The following ORC5 variants were observed in gnomAD, a reference collection of about 807,000 sequenced individuals.
The protein encoded by ORC5 is origin recognition complex subunit 5.
Under a neutral mutation model 58.8 loss-of-function variants are expected in ORC5, and 39 were observed. The observed-to-expected ratio is 0.66, with a 90% CI of 0.51 to 0.87. ORC5 has a LOEUF of 0.87. Ranked by LOEUF, ORC5 falls within the 40% of genes least tolerant of loss-of-function variation. ORC5 has a pLI of 0.00. For missense variants in ORC5, 493 were observed against 506.3 expected (o/e 0.97, Z 0.25); for synonymous variants, 218 against 177.6 (o/e 1.23, Z -1.81).
chr7:104,158,307 C>T (rs1798962243), intron 12 of ORC5, among the ~76,000 whole-genome samples: 1 of 152,098 alleles, frequency 6.6e-6, no homozygotes, highest in African/African-American at 2.4e-5. Flanking sequence ...CTTCCTTACA[C>T]CTTATACAAA....
At chr7:104,180,607 T>G (rs1799413482) in intron 8 of ORC5, among the ~76,000 whole-genome samples, 1 of 150,636 alleles carries the variant, frequency 6.6e-6, no homozygotes, top group African/African-American at 2.4e-5. Flanking sequence ...CTAACTTGGA[T>G]TTTCTAGCTA....
intron 5 of ORC5, among the ~76,000 whole-genome samples, chr7:104,192,864 T>A (rs1168527426): frequency 2.7e-5 from 4 of 149,550 alleles, no homozygotes; most frequent in Non-Finnish European, 5.9e-5. Flanking sequence ...TAGACACTTG[T>A]TAAAAAAAAA....
At chr7:104,153,419 C>A (rs567494588) in intron 12 of ORC5, among the ~76,000 whole-genome samples, 1 of 152,250 alleles carries the variant, frequency 6.6e-6, no homozygotes, top group East Asian at 1.9e-4. Context: ...TCCCTGCTGA[C>A]CTCTTCATCA....
At chr7:104,207,799 C>T in intron 1 of ORC5, 34 bp downstream of exon 1, 1 of 1,583,710 alleles carries the variant, frequency 6.3e-7, no homozygotes. Context: ...AAACGTCTGC[C>T]TCCAGGATCT....
intron 5 of ORC5, among the ~76,000 whole-genome samples, chr7:104,189,273 G>A (rs1490276744): frequency 1.3e-5 from 2 of 150,802 alleles, no homozygotes; most frequent in African/African-American, 5.0e-5. Flanking sequence ...TACAATCATG[G>A]TGGAAAGCAC....
At chr7:104,171,609 G>C (rs1160223935) in intron 8 of ORC5, among the ~76,000 whole-genome samples, 1 of 151,302 alleles carries the variant, frequency 6.6e-6, no homozygotes, top group Non-Finnish European at 1.5e-5. Context: ...ACACCCTTCT[G>C]AATCAACTAC....
intron 11 of ORC5, 140 bp from the exon 12 acceptor site, chr7:104,161,322 C>T: frequency 1.8e-6 from 1 of 558,522 alleles, no homozygotes; most frequent in South Asian, 2.2e-5. Context: ...CCTGCAAACT[C>T]TAAGTTAAAA....
chr7:104,172,344 A>G (rs780352174), intron 8 of ORC5, among the ~76,000 whole-genome samples: 58 of 152,234 alleles, frequency 3.8e-4, no homozygotes, highest in Admixed American at 2.0e-4. Flanking sequence ...AAGCTTTTCC[A>G]TTCTATGATT....
intron 12 of ORC5, among the ~76,000 whole-genome samples, chr7:104,148,564 C>T (rs1279367771): frequency 1.3e-5 from 2 of 151,968 alleles, no homozygotes; most frequent in Middle Eastern, 3.2e-3. Context: ...TATAGAATAA[C>T]CTTGAGAAGT....
chr7:104,195,705 T>C (rs891368157), intron 4 of ORC5, among the ~76,000 whole-genome samples: 1 of 152,240 alleles, frequency 6.6e-6, no homozygotes, highest in African/African-American at 2.4e-5. Flanking sequence ...TTTTTAAGAA[T>C]CTCTGAATTT....
intron 8 of ORC5, among the ~76,000 whole-genome samples, chr7:104,172,732 T>G (rs888661349): frequency 2.6e-5 from 4 of 152,166 alleles, no homozygotes; most frequent in African/African-American, 9.7e-5. Flanking sequence ...GCCTAGAGGT[T>G]TTAGGACTTG....
intron 12 of ORC5, among the ~76,000 whole-genome samples, chr7:104,153,751 A>AAT (rs1025845084): frequency 2.1e-4 from 32 of 152,140 alleles, no homozygotes; most frequent in Non-Finnish European, 4.3e-4. Context: ...CTATAAAGAT[A>AAT]ATGCCCACAC....
At chr7:104,155,994 A>T (rs1380779745) in intron 12 of ORC5, among the ~76,000 whole-genome samples, 2 of 151,888 alleles carry the variant, frequency 1.3e-5, no homozygotes, top group African/African-American at 4.8e-5. Context: ...ATCATAACTG[A>T]TCAAATTAAA....
At chr7:104,172,119 C>T (rs1315653450) in intron 8 of ORC5, among the ~76,000 whole-genome samples, 1 of 152,166 alleles carries the variant, frequency 6.6e-6, no homozygotes, top group Non-Finnish European at 1.5e-5. Flanking sequence ...GTTTACTTCA[C>T]TACTGGTATA....
rs747187784 is a variant in ORC5 at position 104,183,970 on chromosome 7, T to C, written c.797A>G (p.Gln266Arg). The C allele has an allele frequency of 1.2e-6, 2 of 1,613,108 alleles. No homozygotes were observed. Among genetic ancestry groups the C allele is most frequent in the Non-Finnish European group, 1.7e-6 (2 of 1,179,390 alleles). Residue 266 changes from glutamine to arginine, a missense_variant, in exon 8 of 14, where the codon CAG becomes CGG. This residue lies in a region of ORC5 where 412 missense variants were observed against 403.7 expected (regional missense o/e 1.02). Coordinates refer to ENST00000297431, the MANE Select transcript of ORC5 (RefSeq NM_002553.4). ...TGATATTTCCCTGAGATAAACAGTC[T>C]GCATAGCTTTCTTCAAATGAGGTTC... is the stretch of plus-strand genomic sequence containing the variant. The part of the protein sequence containing the change: ...NIEPHLKKAM[Q>R]TVYLREISSS...
At chr7:104,134,067 A>G (rs923734645) in intron 13 of ORC5, among the ~76,000 whole-genome samples, 5 of 152,174 alleles carry the variant, frequency 3.3e-5, no homozygotes, top group Non-Finnish European at 7.3e-5. Flanking sequence ...TCTGTGAAAC[A>G]GAGTGAAGAC....
chr7:104,168,596 C>T (rs954670755), intron 8 of ORC5, 71 bp from the exon 9 acceptor site: 14 of 958,366 alleles, frequency 1.5e-5, no homozygotes, highest in Admixed American at 5.5e-5. Flanking sequence ...TAAAACAGAG[C>T]CCTAGAAAAA....
At chr7:104,188,171 AATAC>A in intron 6 of ORC5, 76 bp downstream of exon 6, 1 of 1,048,972 alleles carries the variant, frequency 9.5e-7, no homozygotes, top group Non-Finnish European at 1.3e-6. Context: ...AAAACATTAA[AATAC>A]ATATATACAC....
At chr7:104,202,882 T>C (rs1296870608) in intron 2 of ORC5, among the ~76,000 whole-genome samples, 1 of 152,122 alleles carries the variant, frequency 6.6e-6, no homozygotes, top group Non-Finnish European at 1.5e-5. Flanking sequence ...GTAATGTGCT[T>C]GGTGCTGGGG....
Sources: allele counts gnomAD v4.1 joint callset (sites outside exome capture counted in the v4.1 genomes callset), GRCh38; gene constraint gnomAD v4.1.1; regional missense constraint gnomAD v4.1.1; transcripts MANE v1.5; gene names NCBI Gene and HGNC (gene_info 2026-07-23, HGNC 2026-07-21).